Variants in FANCA observed in about 807,000 individuals in gnomAD.
FANCA encodes the protein Fanconi anemia group A protein.
In FANCA, 236 loss-of-function variants were observed where a neutral mutation model predicts 194.3. The observed-to-expected ratio is 1.21, with a 90% CI of 1.09 to 1.35. The LOEUF is 1.35. Ranked by LOEUF, FANCA falls within the 40% of genes most tolerant of loss-of-function variation. The pLI is 0.00. For missense variants in FANCA, 2,628 were observed against 1,813.9 expected, an observed-to-expected ratio of 1.45 and a Z score of -8.15; for synonymous variants, 1,014 against 715.8, an observed-to-expected ratio of 1.42 and a Z score of -6.65.
chr16:89,739,887 AACTT>A (rs750910281), intron 39 of FANCA, 103 bp downstream of exon 39: 28 of 1,565,282 alleles, frequency 1.8e-5, no homozygotes, highest in South Asian at 2.4e-5. Context: ...GGAGCTTATA[AACTT>A]ACTTAGCAAG....
At chr16:89,750,924 G>T (rs1346019385) in intron 31 of FANCA, among the ~76,000 whole-genome samples, 1 of 152,168 alleles carries the variant, frequency 6.6e-6, no homozygotes, top group African/African-American at 2.4e-5. Flanking sequence ...GACAGTCTCA[G>T]TCCGGTTGCC....
intron 22 of FANCA, among the ~76,000 whole-genome samples, chr16:89,772,638 G>A (rs1487050705): frequency 1.3e-5 from 2 of 152,138 alleles, no homozygotes; most frequent in African/African-American, 4.8e-5. Flanking sequence ...CCAACATGGT[G>A]AAACCCCATC....
Position 89,752,219 on chromosome 16 carries a change from T to A in FANCA, c.2985A>T (p.Ser995=), listed in dbSNP as rs1598081370. Residue 995 remains serine, a synonymous_variant, in exon 31 of 43, where the codon TCA becomes TCT. Transcript: ENST00000389301. Reference sequence around the variant, plus strand: ...AATTTTCTGAGTGGTCATAACTCCTTGAGCTGAAATGAAAATACAATAAAA... The same window carrying A: ...AATTTTCTGAGTGGTCATAACTCCTAGAGCTGAAATGAAAATACAATAAAA... ...VNALMDFHQS[S]RSYDHSENSD... 1 of 1,612,926 alleles carries A rather than the reference T, an allele frequency of 6.2e-7. No individual in the cohort carries two copies. The highest frequency in any genetic ancestry group is 2.2e-5 in the East Asian group (1 of 44,878).
chr16:89,795,976 G>A lies in FANCA; in HGVS notation c.936C>T (p.Ser312=), dbSNP rs750571646. Residue 312 remains serine, a synonymous_variant, in exon 11 of 43, where the codon TCC becomes TCT. Coordinates refer to ENST00000389301, the MANE Select transcript of FANCA (RefSeq NM_000135.4). ...FSGHTLGSVI[S]TDPLKRFFSH... is the part of the protein sequence containing the mutation. ...TGAAGAACCTCTTCAGAGGATCTGT[G>A]GAAATTACACTGCCAAGCGTGTGTC... 6 of 1,614,074 alleles carry A rather than the reference G, an allele frequency of 3.7e-6. No individual in the cohort carries two copies. The highest frequency in any genetic ancestry group is 5.1e-6 in the Non-Finnish European group (6 of 1,180,022).
At chr16:89,815,299 A>G (rs1185240824) in intron 2 of FANCA, among the ~76,000 whole-genome samples, 1 of 143,558 alleles carries the variant, frequency 7.0e-6, no homozygotes, top group Non-Finnish European at 1.5e-5. Flanking sequence ...GGCCTCCCAA[A>G]GGGCTAGGAT....
At chr16:89,759,131 T>C (rs1269857974) in intron 29 of FANCA, among the ~76,000 whole-genome samples, 1 of 150,634 alleles carries the variant, frequency 6.6e-6, no homozygotes, top group African/African-American at 2.4e-5. Flanking sequence ...CCATCCTGGG[T>C]AACACGGTGA....
At position 89,799,147 on chromosome 16, in the gene FANCA, G is replaced by T. The variant is rs377406711; in HGVS notation, c.893+19C>A. ...ACCTCCCTGCTGCACACTCAGGCAGGCCACCCTCAGGAACATACCAGCACC... is the reference window on the plus strand; with the variant it reads ...ACCTCCCTGCTGCACACTCAGGCAGTCCACCCTCAGGAACATACCAGCACC... On this transcript the variant is annotated intron_variant, in intron 10 of 42. Transcript: ENST00000389301. The T allele has an allele frequency of 6.2e-7, 1 of 1,614,130 alleles. No individual in the cohort carries two copies. Among genetic ancestry groups the T allele is most frequent in the Admixed American group, 1.7e-5 (1 of 60,006 alleles).
At chr16:89,741,083 A>T (rs528662950) in intron 37 of FANCA, among the ~76,000 whole-genome samples, 2 of 152,342 alleles carry the variant, frequency 1.3e-5, no homozygotes, top group Non-Finnish European at 2.9e-5. Context: ...CTTTAAACAA[A>T]GCTAGAAACA....
At chr16:89,741,526 G>T (rs988010687) in intron 37 of FANCA, among the ~76,000 whole-genome samples, 4 of 152,186 alleles carry the variant, frequency 2.6e-5, no homozygotes, top group African/African-American at 9.7e-5. Context: ...TGGGATGCTT[G>T]TTTCTGTTCC....
rs764963390 is a variant in FANCA at position 89,767,251 on chromosome 16, T to C, written c.2505-14A>G. On this transcript the variant is annotated splice_polypyrimidine_tract_variant and intron_variant, in intron 26 of 42. Transcript: ENST00000389301. ...GCTGTACAAAATCTGAAAACAGAAA[T>C]TATAACATATAAATGTAATCCATAC... 7 of 1,543,934 alleles carry C rather than the reference T, an allele frequency of 4.5e-6. No individual in the cohort carries two copies. Among genetic ancestry groups the C allele is most frequent in the Non-Finnish European group, 6.3e-6 (7 of 1,116,988 alleles).
intron 37 of FANCA, among the ~76,000 whole-genome samples, chr16:89,741,236 A>G (rs2062125910): frequency 6.6e-6 from 1 of 152,170 alleles, no homozygotes; most frequent in Admixed American, 6.5e-5. Context: ...CACAGGCTCC[A>G]GCCTAAAGTA....
intron 13 of FANCA, 31 bp downstream of exon 13, chr16:89,791,896 C>G: frequency 6.2e-7 from 1 of 1,613,804 alleles, no homozygotes; most frequent in Non-Finnish European, 8.5e-7. Context: ...ACACTCTTGA[C>G]CAGCACCACC....
intron 20 of FANCA, 29 bp from the exon 21 acceptor site, chr16:89,775,844 G>C (rs2143393739): frequency 6.8e-6 from 10 of 1,465,668 alleles, no homozygotes; most frequent in Non-Finnish European, 9.5e-6. Context: ...ATACAATTAA[G>C]TCAGCTATGG....
At chr16:89,794,236 C>A (rs2040169642) in intron 11 of FANCA, among the ~76,000 whole-genome samples, 1 of 151,604 alleles carries the variant, frequency 6.6e-6, no homozygotes, top group African/African-American at 2.4e-5. Context: ...GTACCAACTG[C>A]ATTTCAATTT....
At chr16:89,753,745 T>C (rs1010478614) in intron 30 of FANCA, among the ~76,000 whole-genome samples, 3 of 152,104 alleles carry the variant, frequency 2.0e-5, no homozygotes, top group African/African-American at 7.2e-5. Context: ...CAGAACAGTG[T>C]CGCTGCCTCT....
chr16:89,798,843 G>C, intron 10 of FANCA: 1 of 1,505,212 alleles, frequency 6.6e-7, no homozygotes, highest in Non-Finnish European at 8.8e-7. Context: ...ATCACACCCA[G>C]GGAAGGAGGA....
chr16:89,763,626 C>G (rs967943308), intron 28 of FANCA, among the ~76,000 whole-genome samples: 7 of 152,144 alleles, frequency 4.6e-5, no homozygotes, highest in Admixed American at 2.0e-4. Context: ...ACCACACAGC[C>G]TGGCAGACAT....
At chr16:89,759,649 T>TACTC (rs1308485675) in intron 29 of FANCA, among the ~76,000 whole-genome samples, 2 of 152,100 alleles carry the variant, frequency 1.3e-5, no homozygotes, top group Non-Finnish European at 2.9e-5. Context: ...TGGTCCCAGC[T>TACTC]ACTCAGGAGG....
chr16:89,746,940 A>G, intron 33 of FANCA, 50 bp from the exon 34 acceptor site: 1 of 1,490,714 alleles, frequency 6.7e-7, no homozygotes, highest in Non-Finnish European at 9.1e-7. Context: ...AAGAGAGGCG[A>G]GACCAACATG....
Sources: gnomAD v4.1 joint callset for allele counts (sites outside exome capture counted in the v4.1 genomes callset) on GRCh38, gnomAD v4.1.1 for gene constraint, MANE v1.5 for transcripts, NCBI Gene and HGNC (gene_info 2026-07-23, HGNC 2026-07-21) for gene names.